The following PTPRD variants were observed in gnomAD, a reference collection of about 807,000 sequenced individuals.
The protein encoded by PTPRD is protein tyrosine phosphatase receptor type D.
In PTPRD, 34 loss-of-function variants were observed where a neutral mutation model predicts 214.5. The ratio of observed to expected loss-of-function variants is 0.16; its 90% CI spans 0.12 to 0.21. The LOEUF is 0.21. Ranked by LOEUF, PTPRD falls within the 10% of genes least tolerant of loss-of-function variation. The probability of loss-of-function intolerance (pLI) is 1.00; values close to 1 mark genes in which losing one functional copy is unlikely to be tolerated. For synonymous variants in PTPRD, 1,128 were observed against 845.7 expected (o/e 1.33, Z -5.79); for missense variants, 2,545 against 2,398.7 (o/e 1.06, Z -1.27).
intron 2 of PTPRD, among the ~76,000 whole-genome samples, chr9:10,380,288 A>G (rs978467699): frequency 6.6e-6 from 1 of 152,076 alleles, no homozygotes; most frequent in Admixed American, 6.6e-5. Flanking sequence ...TTAAAATTTC[A>G]TGGATGTTCT....
rs55860333 is a variant in PTPRD at position 8,317,502 on chromosome 9, A to G, written c.*372T>C. 315 of 258,416 alleles carry G rather than the reference A, an allele frequency of 1.2e-3. 2 individuals carry two copies. Among genetic ancestry groups the G allele is most frequent in the Non-Finnish European group, 1.6e-3 (214 of 131,114 alleles). 16.0% of individuals were successfully genotyped at this position (258,416 alleles called of 1,614,324 possible). On this transcript the variant is annotated 3_prime_UTR_variant, in exon 46 of 46. Coordinates refer to ENST00000381196, the MANE Select transcript of PTPRD (RefSeq NM_002839.4). ...ATTGTGAGAAGCCACACCAGCACAT[A>G]TCTTGTGCTGAACTGCAGCATTCTG...
intron 3 of PTPRD, among the ~76,000 whole-genome samples, chr9:10,135,887 C>A (rs1381776002): frequency 6.6e-6 from 1 of 151,042 alleles, no homozygotes; most frequent in Non-Finnish European, 1.5e-5. Flanking sequence ...CAACATTAAT[C>A]TTGATGGAAA....
rs750614462 is a variant in PTPRD, at chr9:8,636,780, G to A, written c.129C>T (p.Phe43=). The A allele has an allele frequency of 6.2e-7, 1 of 1,614,014 alleles. No individual in the cohort carries two copies. Among genetic ancestry groups the A allele is most frequent in the Non-Finnish European group, 8.5e-7 (1 of 1,179,948 alleles). The stretch of plus-strand genomic sequence containing the variant: ...TTGGGTCTCCCGTAGCTTGGCAGAT[G>A]AAAGAGGCAACTCCGCCAGAGACCC... ...QTGVSGGVAS[F]ICQATGDPRP... The change falls in exon 13 of 46, where the codon TTC becomes TTT. Residue 43 remains phenylalanine, a synonymous_variant. Coordinates refer to ENST00000381196, the MANE Select transcript of PTPRD (RefSeq NM_002839.4).
chr9:9,614,637 A>G (rs748462705), intron 7 of PTPRD, among the ~76,000 whole-genome samples: 1 of 152,178 alleles, frequency 6.6e-6, no homozygotes, highest in African/African-American at 2.4e-5. Flanking sequence ...TTGATGTGCT[A>G]TTTTGTAATT....
chr9:10,264,115 G>A (rs947157912), intron 3 of PTPRD, among the ~76,000 whole-genome samples: 18 of 152,318 alleles, frequency 1.2e-4, no homozygotes, highest in African/African-American at 4.3e-4. Flanking sequence ...GGAAGTCCAG[G>A]CAGAAGTTTG....
intron 5 of PTPRD, among the ~76,000 whole-genome samples, chr9:9,934,967 G>A (rs1328034038): frequency 2.0e-5 from 3 of 152,122 alleles, no homozygotes; most frequent in Non-Finnish European, 4.4e-5. Flanking sequence ...CAGAGCCAAA[G>A]ACAAAAACCA....
chr9:9,058,496 T>C (rs912473292), intron 10 of PTPRD, among the ~76,000 whole-genome samples: 2 of 127,444 alleles, frequency 1.6e-5, no homozygotes, highest in Non-Finnish European at 3.2e-5. Flanking sequence ...TCGCCCAGGC[T>C]GGAGTGCAGA....
intron 10 of PTPRD, among the ~76,000 whole-genome samples, chr9:9,141,036 G>A (rs946954423): frequency 3.3e-5 from 5 of 152,016 alleles, no homozygotes; most frequent in African/African-American, 1.2e-4. Context: ...CAAGCTTGGT[G>A]TTTAAATCCT....
intron 3 of PTPRD, among the ~76,000 whole-genome samples, chr9:10,223,915 T>G (rs1315055644): frequency 6.6e-6 from 1 of 151,664 alleles, no homozygotes; most frequent in African/African-American, 2.4e-5. Context: ...AGTAAATGCA[T>G]ACTTGTTTAG....
chr9:9,665,660 C>G (rs1301788380), intron 7 of PTPRD, among the ~76,000 whole-genome samples: 1 of 151,834 alleles, frequency 6.6e-6, no homozygotes. Context: ...TCTCCACCTT[C>G]CACATGTAAG....
At chr9:8,675,404 C>T (rs896520150) in intron 12 of PTPRD, among the ~76,000 whole-genome samples, 13 of 151,696 alleles carry the variant, frequency 8.6e-5, no homozygotes, top group African/African-American at 2.9e-4. Flanking sequence ...TGAGCTTCAA[C>T]GTAAGTATTG....
intron 7 of PTPRD, among the ~76,000 whole-genome samples, chr9:9,591,984 T>A (rs78410378): frequency 0.034 from 5,113 of 152,154 alleles, 165 homozygotes; most frequent in African/African-American, 0.082. Flanking sequence ...TCTGGCAACC[T>A]CCATTCTACT....
At chr9:9,666,726 T>C (rs2096729904) in intron 7 of PTPRD, among the ~76,000 whole-genome samples, 1 of 152,168 alleles carries the variant, frequency 6.6e-6, no homozygotes, top group Middle Eastern at 3.4e-3. Flanking sequence ...TTGCATCTAG[T>C]TTCTCATTCC....
chr9:9,001,305 G>C (rs1249084863), intron 11 of PTPRD, among the ~76,000 whole-genome samples: 2 of 152,016 alleles, frequency 1.3e-5, no homozygotes, highest in Non-Finnish European at 2.9e-5. Flanking sequence ...TGAGCTATCT[G>C]TGCATTTGTG....
chr9:9,669,972 A>G (rs1019080134), intron 7 of PTPRD, among the ~76,000 whole-genome samples: 2 of 152,150 alleles, frequency 1.3e-5, no homozygotes, highest in African/African-American at 4.8e-5. Flanking sequence ...TTGCCCCTCA[A>G]TATCTTTTAG....
chr9:10,422,709 C>T (rs188468154), intron 2 of PTPRD, among the ~76,000 whole-genome samples: 3 of 152,052 alleles, frequency 2.0e-5, no homozygotes, highest in South Asian at 2.1e-4. Flanking sequence ...AAAAAGTGCT[C>T]GTCATCACTG....
rs559579493 is a variant in PTPRD at position 9,606,415 on chromosome 9, G to C, written c.-286-31634C>G. On this transcript the variant is annotated intron_variant, in intron 7 of 45. Coordinates refer to ENST00000381196, the MANE Select transcript of PTPRD (RefSeq NM_002839.4). ...TTAGAATAAAATCTGGTGTTTTTTT[G>C]TTAACTATAATTAGCTTTCAGGTAT... 3.3e-5 allele frequency among the ~76,000 whole-genome samples: 5 copies of C among 151,834 alleles called. No homozygotes were observed. The South Asian group carries it at 1.0e-3, about 31-fold the overall frequency.
At chr9:10,593,007 C>T (rs2075845400) in intron 2 of PTPRD, among the ~76,000 whole-genome samples, 1 of 151,938 alleles carries the variant, frequency 6.6e-6, no homozygotes, top group African/African-American at 2.4e-5. Context: ...TGGGTCTGTG[C>T]CATCTTTAAG....
intron 11 of PTPRD, among the ~76,000 whole-genome samples, chr9:8,766,055 T>C (rs935582942): frequency 1.3e-5 from 2 of 152,176 alleles, no homozygotes; most frequent in South Asian, 4.2e-4. Context: ...TAAGGCCCTC[T>C]TGGTGGATAG....
Sources: allele counts gnomAD v4.1 joint callset (sites outside exome capture counted in the v4.1 genomes callset), GRCh38; gene constraint gnomAD v4.1.1; transcripts MANE v1.5; gene names NCBI Gene and HGNC (gene_info 2026-07-23, HGNC 2026-07-21).